The following RALGAPA1 variants were observed in gnomAD, a reference collection of about 807,000 sequenced individuals.
RALGAPA1 encodes ral GTPase-activating protein subunit alpha-1.
A neutral mutation model predicts 269.6 loss-of-function variants in RALGAPA1; 52 were observed. The ratio of observed to expected loss-of-function variants is 0.19; its 90% CI spans 0.15 to 0.24. The LOEUF (loss-of-function observed/expected upper bound fraction) is 0.24, where lower values mean the gene tolerates loss of function less well. Among genes scored for constraint, RALGAPA1 ranks in the 10% least tolerant of loss-of-function variants. The pLI, the probability that RALGAPA1 is intolerant of heterozygous loss-of-function variation, is 1.00. For missense variants in RALGAPA1, 1,917 were observed against 3,013.9 expected (o/e 0.64, Z 8.52); for synonymous variants, 817 against 1,008.3 (o/e 0.81, Z 3.60).
chr14:35,794,622 A>T (rs887696678), intron 1 of RALGAPA1, among the ~76,000 whole-genome samples: 2 of 151,928 alleles, frequency 1.3e-5, no homozygotes, highest in African/African-American at 2.4e-5. Flanking sequence ...GCGCCCGGCT[A>T]ATTTTTTTGT....
At chr14:35,762,658 T>G (rs2073824455) in intron 5 of RALGAPA1, 52 bp downstream of exon 5, 1 of 979,674 alleles carries the variant, frequency 1.0e-6, no homozygotes, top group Non-Finnish European at 1.7e-6. Context: ...ACAGGTGGGA[T>G]GTATGTTCTA....
chr14:35,729,877 G>A (rs982108278), intron 12 of RALGAPA1, among the ~76,000 whole-genome samples: 3 of 152,154 alleles, frequency 2.0e-5, no homozygotes, highest in Non-Finnish European at 2.9e-5. Flanking sequence ...CATGGCTGAC[G>A]GGAAGCAGAA....
intron 27 of RALGAPA1, among the ~76,000 whole-genome samples, chr14:35,660,408 G>A (rs2063461764): frequency 2.0e-5 from 3 of 151,944 alleles, no homozygotes; most frequent in South Asian, 2.1e-4. Flanking sequence ...TTTAACAATA[G>A]CATCGAAAAC....
intron 41 of RALGAPA1, among the ~76,000 whole-genome samples, chr14:35,546,532 C>T (rs1231726923): frequency 1.3e-5 from 2 of 151,616 alleles, no homozygotes; most frequent in African/African-American, 4.8e-5. Flanking sequence ...GTTGGTTAGA[C>T]AGAATATAAT....
chr14:35,575,952 T>G (rs550713576), intron 37 of RALGAPA1, among the ~76,000 whole-genome samples: 3 of 152,212 alleles, frequency 2.0e-5, no homozygotes, highest in Non-Finnish European at 4.4e-5. Flanking sequence ...AGCTAAAAAC[T>G]GCCTTCTGGA....
At chr14:35,606,316 T>C (rs996699984) in intron 35 of RALGAPA1, among the ~76,000 whole-genome samples, 2 of 152,240 alleles carry the variant, frequency 1.3e-5, no homozygotes, top group African/African-American at 4.8e-5. Flanking sequence ...CTATCAGGTA[T>C]ATCCTATTGT....
intron 39 of RALGAPA1, among the ~76,000 whole-genome samples, chr14:35,563,311 A>AAT (rs2056439493): frequency 6.6e-6 from 1 of 152,156 alleles, no homozygotes; most frequent in South Asian, 2.1e-4. Context: ...GGTCATGAAT[A>AAT]ATAAATATGT....
intron 6 of RALGAPA1, 123 bp downstream of exon 6, chr14:35,760,706 C>A: frequency 3.2e-6 from 2 of 619,654 alleles, no homozygotes; most frequent in South Asian, 2.9e-5. Context: ...ATAATAAAAG[C>A]TATGTTTTAA....
chr14:35,609,498 C>T (rs549046650), intron 35 of RALGAPA1, among the ~76,000 whole-genome samples: 1 of 152,168 alleles, frequency 6.6e-6, no homozygotes, highest in Non-Finnish European at 1.5e-5. Flanking sequence ...AAAATATGGC[C>T]TGTAAGTAAA....
chr14:35,801,714 AC>A, intron 1 of RALGAPA1, among the ~76,000 whole-genome samples: 1 of 152,270 alleles, frequency 6.6e-6, no homozygotes, highest in Non-Finnish European at 1.5e-5. Context: ...CCTGATAGAA[AC>A]CCTCAGCCAA....
intron 4 of RALGAPA1, among the ~76,000 whole-genome samples, chr14:35,770,435 AAAG>A (rs1210685121): frequency 3.3e-5 from 5 of 152,204 alleles, no homozygotes; most frequent in Non-Finnish European, 7.3e-5. Context: ...GAAAAGAAAG[AAAG>A]AAGAAATCAA....
At chr14:35,774,457 A>C (rs531843559) in intron 3 of RALGAPA1, among the ~76,000 whole-genome samples, 3 of 152,190 alleles carry the variant, frequency 2.0e-5, no homozygotes, top group South Asian at 4.1e-4. Context: ...AAAAAAAAAA[A>C]CTAGCAGAGC....
chr14:35,671,107 TTTC>T (rs1352810853), intron 26 of RALGAPA1, among the ~76,000 whole-genome samples: 1 of 152,190 alleles, frequency 6.6e-6, no homozygotes, highest in Non-Finnish European at 1.5e-5. Flanking sequence ...CTCACCATTG[TTTC>T]TTACCTCTTG....
At chr14:35,733,950 C>T (rs10145628) in intron 12 of RALGAPA1, among the ~76,000 whole-genome samples, 26,461 of 150,478 alleles carry the variant, frequency 0.18, 4,251 homozygotes, top group East Asian at 0.45. Context: ...TGCAAATAAA[C>T]AAATAAATAA....
intron 36 of RALGAPA1, among the ~76,000 whole-genome samples, chr14:35,598,899 TTC>T (rs1197193752): frequency 1.3e-5 from 2 of 152,334 alleles, no homozygotes; most frequent in African/African-American, 4.8e-5. Context: ...TGTTTTTCAT[TTC>T]TCTGTTTTAT....
intron 9 of RALGAPA1, among the ~76,000 whole-genome samples, chr14:35,749,610 A>T (rs2072481517): frequency 6.6e-6 from 1 of 152,172 alleles, no homozygotes; most frequent in Non-Finnish European, 1.5e-5. Flanking sequence ...TATGATTTTC[A>T]TCCATTACAT....
At position 35,688,566 on chromosome 14, in the gene RALGAPA1, T is replaced by A. The variant is rs1308028106; in HGVS notation, c.3845A>T (p.Lys1282Met). 6.5e-7 allele frequency: 1 copy of A among 1,535,978 alleles called. No individual in the cohort carries two copies. Among genetic ancestry groups the A allele is most frequent in the African/African-American group, 1.4e-5 (1 of 73,050 alleles). Residue 1282 changes from lysine to methionine, a missense_variant, in exon 18 of 42, where the codon AAG becomes ATG. Lys to Met is a moderately conservative substitution (Grantham distance 95, BLOSUM62 -1). Coordinates refer to ENST00000680220, the MANE Select transcript of RALGAPA1 (RefSeq NM_001346249.2). The part of the protein sequence containing the change: ...VYKTVVHALS[K>M]PKANVSPQRQ... ...CTGTGGGGAAACATTTGCCTTCGGCTTCGAAAGAGCATGTACAACAGTTTT... is the reference window on the plus strand; with the variant it reads ...CTGTGGGGAAACATTTGCCTTCGGCATCGAAAGAGCATGTACAACAGTTTT...
In RALGAPA1 at chr14:35,791,904, CAAAAAAAAAAAAA is replaced by C. The variant is rs773722682; in HGVS notation, c.107-16172_107-16160del. Among the ~76,000 whole-genome samples, 4 of 11,774 alleles carry C rather than the reference CAAAAAAAAAAAAA, an allele frequency of 3.4e-4. No individual in the cohort carries two copies. In the South Asian group the frequency reaches 0.013, roughly 38 times the overall value. The allele number at this position is 11,774 out of a possible 152,430, so 7.7% of individuals were successfully genotyped here. A position where few individuals can be genotyped will look rare whatever the true frequency, so the allele number is the denominator to read the frequency against. On this transcript the variant is annotated intron_variant, in intron 1 of 41. Coordinates refer to ENST00000680220, the MANE Select transcript of RALGAPA1 (RefSeq NM_001346249.2). The stretch of plus-strand genomic sequence containing the variant: ...TGGCCGACAGAGCGAGACTCTGTCT[CAAAAAAAAAAAAA>C]AAAAAAAAAAAAAAGCATGCATTTG...
intron 1 of RALGAPA1, among the ~76,000 whole-genome samples, chr14:35,797,408 A>G (rs1283708516): frequency 1.3e-5 from 2 of 152,012 alleles, no homozygotes; most frequent in South Asian, 2.1e-4. Context: ...ACAAAAGCAT[A>G]AAGAATCCAT....
Sources: allele counts gnomAD v4.1 joint callset (sites outside exome capture counted in the v4.1 genomes callset), GRCh38; gene constraint gnomAD v4.1.1; transcripts MANE v1.5; gene names NCBI Gene and HGNC (gene_info 2026-07-23, HGNC 2026-07-21).